SIPA1L3: variants seen among roughly 807,000 people sequenced by gnomAD.
The protein encoded by SIPA1L3 is signal-induced proliferation-associated 1-like protein 3.
A neutral mutation model predicts 150.1 loss-of-function variants in SIPA1L3; 59 were observed. That is an observed-to-expected ratio of 0.39 (90% CI 0.32 to 0.49). The LOEUF is 0.49. Among genes scored for constraint, SIPA1L3 ranks in the 20% least tolerant of loss-of-function variants. The probability of loss-of-function intolerance (pLI) is 0.86; values close to 1 mark genes in which losing one functional copy is unlikely to be tolerated. For synonymous variants in SIPA1L3, 1,070 were observed against 1,077.6 expected (o/e 0.99, Z 0.14); for missense variants, 2,211 against 2,489.5 (o/e 0.89, Z 2.38).
chr19:38,070,320 C>A (rs1478368329), intron 2 of SIPA1L3, among the ~76,000 whole-genome samples: 2 of 152,152 alleles, frequency 1.3e-5, no homozygotes, highest in African/African-American at 4.8e-5. Context: ...AGCGATCCTC[C>A]CACCTCAGCC....
chr19:38,048,458 G>A (rs901547694), intron 2 of SIPA1L3, among the ~76,000 whole-genome samples: 1 of 152,176 alleles, frequency 6.6e-6, no homozygotes, highest in Non-Finnish European at 1.5e-5. Context: ...ATGGTTATAA[G>A]TGGTTCCCCT....
chr19:38,172,274 G>T (rs1972344256), intron 15 of SIPA1L3, among the ~76,000 whole-genome samples: 1 of 152,180 alleles, frequency 6.6e-6, no homozygotes, highest in African/African-American at 2.4e-5. Context: ...GGCTGCCGTG[G>T]CCTGGGAGCA....
At chr19:38,193,303 C>T (rs767873490) in intron 17 of SIPA1L3, among the ~76,000 whole-genome samples, 10 of 144,924 alleles carry the variant, frequency 6.9e-5, no homozygotes, top group African/African-American at 2.6e-4. Flanking sequence ...AAGCTGAGAT[C>T]GCCCCATTAT....
intron 2 of SIPA1L3, among the ~76,000 whole-genome samples, chr19:38,080,395 C>T (rs184706684): frequency 6.6e-6 from 1 of 152,230 alleles, no homozygotes; most frequent in East Asian, 1.9e-4. Flanking sequence ...ACAGGTGACC[C>T]CTTTCCTTCA....
At position 38,201,919 on chromosome 19, in the gene SIPA1L3, C is replaced by A; in HGVS notation, c.5042C>A (p.Pro1681Gln). 1 of 1,614,038 alleles carries A rather than the reference C, an allele frequency of 6.2e-7. No individual in the cohort carries two copies. Among genetic ancestry groups the A allele is most frequent in the Non-Finnish European group, 8.5e-7 (1 of 1,179,952 alleles). ...LNDPALSPDI[P>Q]PAHSPVHSHL... ...GACCCGGCCCTGAGCCCGGACATCC[C>A]GCCTGCACACAGTCCTGTCCACAGC... The change falls in exon 20 of 22, where the codon CCG becomes CAG. Residue 1681 changes from proline (P) to glutamine (Q), a missense_variant. Physicochemically the swap from Pro to Gln is moderately conservative, Grantham distance 76. This residue lies in a region of SIPA1L3 where 806 missense variants were observed against 870.1 expected (regional missense o/e 0.93). Coordinates refer to ENST00000222345, the MANE Select transcript of SIPA1L3 (RefSeq NM_015073.3).
chr19:38,193,703 G>GCCAGCA lies in SIPA1L3; in HGVS notation c.4772_4777dup (p.Gln1591_His1592dup). On this transcript the variant is annotated inframe_insertion, in exon 18 of 22. Coordinates refer to ENST00000222345, the MANE Select transcript of SIPA1L3 (RefSeq NM_015073.3). ...CCGTCCAGCACGCTGCCTGCACGCCGCCAGCACCAGCACCCCCACCCGCCC... is the reference window on the plus strand; with the variant it reads ...CCGTCCAGCACGCTGCCTGCACGCCGCCAGCACCAGCACCAGCACCCCCACCCGCCC... The GCCAGCA allele has an allele frequency of 2.5e-6, 4 of 1,569,734 alleles. No individual in the cohort carries two copies. The highest frequency in any genetic ancestry group is 3.4e-6 in the Non-Finnish European group (4 of 1,165,774).
intron 2 of SIPA1L3, among the ~76,000 whole-genome samples, chr19:38,040,028 G>A (rs756624363): frequency 9.2e-5 from 14 of 152,246 alleles, no homozygotes; most frequent in Admixed American, 6.5e-5. Flanking sequence ...TGGGAGGATC[G>A]CTTGAGCCTA....
At chr19:38,012,150 G>C (rs1408221694) in intron 1 of SIPA1L3, among the ~76,000 whole-genome samples, 2 of 150,388 alleles carry the variant, frequency 1.3e-5, no homozygotes, top group African/African-American at 2.5e-5. Flanking sequence ...GCAGTGATGT[G>C]ATCTCGGCTT....
intron 15 of SIPA1L3, 72 bp from the exon 16 acceptor site, chr19:38,182,447 C>A: frequency 2.6e-6 from 3 of 1,164,592 alleles, no homozygotes; most frequent in South Asian, 1.5e-5. Context: ...CAAGAGTAAA[C>A]TTCAATAGCT....
At position 38,016,699 on chromosome 19, in the gene SIPA1L3, G is replaced by A. The variant is rs190959172; in HGVS notation, c.-378-12390G>A. The stretch of plus-strand genomic sequence containing the variant: ...GTAGAGATGGGGTTTCACCATGTTG[G>A]CCAGGCTGGTCTTGAACTCCTGACC... On this transcript the variant is annotated intron_variant, in intron 1 of 21. Transcript: ENST00000222345. Among the ~76,000 whole-genome samples, 149 of 152,010 alleles carry A rather than the reference G, an allele frequency of 9.8e-4. 2 individuals are homozygous for A. The East Asian group carries it at 0.019, about 20-fold the overall frequency.
At position 38,110,363 on chromosome 19, in the gene SIPA1L3, G is replaced by A; in HGVS notation, c.2270G>A (p.Cys757Tyr). ...ATCATTGTCCGAGTCCACAACCCCT[G>A]CACTGATAACGTCTGTTACAGGTAT... ...VFIIVRVHNP[C>Y]TDNVCYSMAV... Residue 757 changes from cysteine (C) to tyrosine (Y), a missense_variant, in exon 8 of 22, where the codon TGC (cysteine) becomes TAC (tyrosine). By Grantham distance (194) the Cys-to-Tyr change is radical. This residue lies in a region of SIPA1L3 where 625 missense variants were observed against 804.2 expected (regional missense o/e 0.78). Transcript: ENST00000222345. The A allele has an allele frequency of 6.2e-7, 1 of 1,613,960 alleles. No individual in the cohort carries two copies. Among genetic ancestry groups the A allele is most frequent in the Non-Finnish European group, 8.5e-7 (1 of 1,179,958 alleles).
At chr19:38,166,496 C>T (rs920087138) in intron 15 of SIPA1L3, among the ~76,000 whole-genome samples, 1 of 151,752 alleles carries the variant, frequency 6.6e-6, no homozygotes, top group Admixed American at 6.6e-5. Context: ...CAGGAATTGG[C>T]GAGCCAGCAG....
At chr19:37,961,914 ATTT>A (rs1372991089) in intron 1 of SIPA1L3, among the ~76,000 whole-genome samples, 1 of 151,736 alleles carries the variant, frequency 6.6e-6, no homozygotes, top group Non-Finnish European at 1.5e-5. Flanking sequence ...CCTCTAGTGA[ATTT>A]TTTATTTCAG....
intron 21 of SIPA1L3, 105 bp from the exon 22 acceptor site, chr19:38,205,992 C>A: frequency 7.4e-7 from 1 of 1,344,448 alleles, no homozygotes; most frequent in Non-Finnish European, 9.8e-7. Flanking sequence ...TAGTGGTTGG[C>A]TCCAAAGCAC....
At position 38,163,615 on chromosome 19, in the gene SIPA1L3, G is replaced by C. The variant is rs149799950; in HGVS notation, c.3781-864G>C. 3.9e-5 allele frequency among the ~76,000 whole-genome samples: 6 copies of C among 152,244 alleles called. No individual in the cohort carries two copies. In the East Asian group the frequency reaches 5.8e-4, roughly 15 times the overall value. On this transcript the variant is annotated intron_variant, in intron 14 of 21. Transcript: ENST00000222345. Reference sequence around the variant, plus strand: ...GAGCGGAAACCTTGAGTGAAGGAAGGGGGAGGCCCACGAAGATCTCTCAGG... The same window carrying C: ...GAGCGGAAACCTTGAGTGAAGGAAGCGGGAGGCCCACGAAGATCTCTCAGG...
At chr19:38,133,081 A>G (rs910340836) in intron 10 of SIPA1L3, among the ~76,000 whole-genome samples, 11 of 152,198 alleles carry the variant, frequency 7.2e-5, no homozygotes, top group African/African-American at 2.7e-4. Flanking sequence ...TCTGTAAACT[A>G]GAGTCAAAGA....
chr19:37,938,624 C>CTTTTTTTTTTTTTTTTTTTTTTTT (rs759856556), intron 1 of SIPA1L3, among the ~76,000 whole-genome samples: 1 of 131,260 alleles, frequency 7.6e-6, no homozygotes, highest in African/African-American at 2.8e-5. Context: ...TTTCTTTTTT[C>CTTTTTTTTTTTTTTTTTTTTTTTT]TTTTTTTTTT....
At chr19:38,096,675 G>A (rs1192349051) in intron 4 of SIPA1L3, among the ~76,000 whole-genome samples, 1 of 152,152 alleles carries the variant, frequency 6.6e-6, no homozygotes, top group Non-Finnish European at 1.5e-5. Context: ...TAACCTGGTG[G>A]CCAGCAGCAT....
intron 10 of SIPA1L3, among the ~76,000 whole-genome samples, chr19:38,131,474 A>C (rs1971304720): frequency 6.6e-6 from 1 of 152,178 alleles, no homozygotes; most frequent in Admixed American, 6.5e-5. Context: ...TGGCTGGAGC[A>C]GAGCGAGCAG....
Sources: allele counts gnomAD v4.1 joint callset (sites outside exome capture counted in the v4.1 genomes callset), GRCh38; gene constraint gnomAD v4.1.1; regional missense constraint gnomAD v4.1.1; transcripts MANE v1.5; gene names NCBI Gene and HGNC (gene_info 2026-07-23, HGNC 2026-07-21).